The following GNG4 variants were observed in gnomAD, a reference collection of about 807,000 sequenced individuals.
GNG4 encodes guanine nucleotide-binding protein G(I)/G(S)/G(O) subunit gamma-4.
In GNG4, 4 loss-of-function variants were observed where a neutral mutation model predicts 5.8. The observed-to-expected ratio is 0.69, with a 90% CI of 0.34 to 1.57. GNG4 has a LOEUF of 1.57. Ranked by LOEUF, GNG4 falls within the 40% of genes most tolerant of loss-of-function variation. The probability of loss-of-function intolerance (pLI) is 0.06; values close to 1 mark genes in which losing one functional copy is unlikely to be tolerated. For synonymous variants in GNG4, 29 were observed against 32.9 expected, an observed-to-expected ratio of 0.88 and a Z score of 0.41; for missense variants, 96 against 95.1, an observed-to-expected ratio of 1.01 and a Z score of -0.04.
intron 2 of GNG4, among the ~76,000 whole-genome samples, chr1:235,586,099 A>G (rs563270128): frequency 6.6e-6 from 1 of 152,340 alleles, no homozygotes; most frequent in African/African-American, 2.4e-5. Flanking sequence ...CAGTTTTTGA[A>G]AAGTAAAATA....
At chr1:235,599,317 TTTG>T (rs1215332998) in intron 1 of GNG4, among the ~76,000 whole-genome samples, 48 of 107,082 alleles carry the variant, frequency 4.5e-4, no homozygotes, top group African/African-American at 1.7e-3. Flanking sequence ...TGTTTTTTGG[TTTG>T]TTTTTTTTTT....
intron 3 of GNG4, among the ~76,000 whole-genome samples, chr1:235,578,322 T>C (rs886543280): frequency 1.3e-5 from 2 of 152,184 alleles, no homozygotes; most frequent in East Asian, 3.8e-4. Context: ...TGGTATGCCA[T>C]TGGTGGGAAT....
At chr1:235,591,637 C>G (rs933437219) in intron 2 of GNG4, among the ~76,000 whole-genome samples, 1 of 152,146 alleles carries the variant, frequency 6.6e-6, no homozygotes, top group Non-Finnish European at 1.5e-5. Context: ...CCACCTGGAC[C>G]CAAGAAGAAA....
intron 3 of GNG4, among the ~76,000 whole-genome samples, chr1:235,580,038 T>C (rs1687589755): frequency 6.6e-6 from 1 of 152,124 alleles, no homozygotes; most frequent in African/African-American, 2.4e-5. Flanking sequence ...GATGAATGGA[T>C]AACAAAATGT....
chr1:235,583,981 A>G, intron 2 of GNG4, 133 bp from the exon 3 acceptor site: 1 of 509,018 alleles, frequency 2.0e-6, no homozygotes, highest in Admixed American at 3.4e-5. Context: ...TTGGTAGAAA[A>G]CCCTCCTGGG....
chr1:235,586,178 GAACTTT>G (rs879783514), intron 2 of GNG4, among the ~76,000 whole-genome samples: 7 of 152,192 alleles, frequency 4.6e-5, no homozygotes, highest in Non-Finnish European at 1.0e-4. Context: ...TCTTAGTTTG[GAACTTT>G]AACTCAACAA....
At chr1:235,598,171 A>C (rs1319538694) in intron 1 of GNG4, among the ~76,000 whole-genome samples, 2 of 152,154 alleles carry the variant, frequency 1.3e-5, no homozygotes, top group Non-Finnish European at 2.9e-5. Context: ...GAATGTACAG[A>C]GACTAAGGCC....
chr1:235,620,388 A>G (rs1210925363), intron 1 of GNG4, among the ~76,000 whole-genome samples: 1 of 152,160 alleles, frequency 6.6e-6, no homozygotes, highest in African/African-American at 2.4e-5. Flanking sequence ...AAAACAACAC[A>G]AAACTCTTTG....
At chr1:235,596,186 A>AAAACAAAAACAAAC (rs1688117705) in intron 1 of GNG4, among the ~76,000 whole-genome samples, 1 of 99,204 alleles carries the variant, frequency 1.0e-5, no homozygotes, top group Non-Finnish European at 2.0e-5. Context: ...AAACAAAAAC[A>AAAACAAAAACAAAC]AAACAAAAAC....
chr1:235,571,139 A>C (rs1173278916), intron 3 of GNG4, among the ~76,000 whole-genome samples: 1 of 152,130 alleles, frequency 6.6e-6, no homozygotes, highest in Non-Finnish European at 1.5e-5. Context: ...AATTGGGTAA[A>C]CGGTAGGAAT....
chr1:235,608,368 T>G (rs2102967033), intron 1 of GNG4, among the ~76,000 whole-genome samples: 1 of 152,350 alleles, frequency 6.6e-6, no homozygotes, highest in Admixed American at 6.5e-5. Context: ...TTCAATTCAC[T>G]TACAATAAAA....
chr1:235,585,330 C>A (rs773814156), intron 2 of GNG4, among the ~76,000 whole-genome samples: 66 of 152,116 alleles, frequency 4.3e-4, no homozygotes, highest in Non-Finnish European at 6.8e-4. Context: ...GCCTCAAACT[C>A]CTGGGCTCAA....
At chr1:235,618,317 C>T (rs1558498902) in intron 1 of GNG4, among the ~76,000 whole-genome samples, 1 of 152,232 alleles carries the variant, frequency 6.6e-6, no homozygotes, top group East Asian at 1.9e-4. Context: ...TGGAATCCTT[C>T]GTTGAACTGA....
At chr1:235,639,303 C>T (rs1057036435) in intron 1 of GNG4, among the ~76,000 whole-genome samples, 9 of 152,220 alleles carry the variant, frequency 5.9e-5, no homozygotes, top group African/African-American at 1.9e-4. Flanking sequence ...ATAAGTAGTT[C>T]ATACAACATA....
chr1:235,574,932 C>T (rs1687440567), intron 3 of GNG4, among the ~76,000 whole-genome samples: 1 of 152,154 alleles, frequency 6.6e-6, no homozygotes, highest in Non-Finnish European at 1.5e-5. Flanking sequence ...TCCAGTGATT[C>T]TCCTGCCTCA....
chr1:235,641,489 T>G (rs535237858), intron 1 of GNG4, among the ~76,000 whole-genome samples: 85 of 151,946 alleles, frequency 5.6e-4, no homozygotes, highest in African/African-American at 2.0e-3. Context: ...TCAGGAGTTC[T>G]AGACCAGCCT....
intron 3 of GNG4, among the ~76,000 whole-genome samples, chr1:235,553,872 T>C (rs1307041745): frequency 6.6e-6 from 1 of 152,182 alleles, no homozygotes; most frequent in Non-Finnish European, 1.5e-5. Context: ...TTCAGGAGCG[T>C]TGGAGAGCTC....
At chr1:235,595,997 AC>A (rs1319458934) in intron 1 of GNG4, among the ~76,000 whole-genome samples, 1 of 150,250 alleles carries the variant, frequency 6.7e-6, no homozygotes, top group Non-Finnish European at 1.5e-5. Flanking sequence ...ACTGGGTGAA[AC>A]CCCGTCTCCA....
chr1:235,570,860 A>ATGTGTGTGTG (rs756211268), intron 3 of GNG4, among the ~76,000 whole-genome samples: 5,795 of 91,810 alleles, frequency 0.063, 139 homozygotes, highest in Middle Eastern at 0.12. Flanking sequence ...TTATATATAT[A>ATGTGTGTGTG]TATGTGTGTG....
Sources: allele counts gnomAD v4.1 joint callset (sites outside exome capture counted in the v4.1 genomes callset), GRCh38; gene constraint gnomAD v4.1.1; transcripts MANE v1.5; gene names NCBI Gene and HGNC (gene_info 2026-07-23, HGNC 2026-07-21).